The following DCLK1 variants were observed in gnomAD, a reference collection of about 807,000 sequenced individuals.
DCLK1 encodes doublecortin like kinase 1.
Under a neutral mutation model 86.2 loss-of-function variants are expected in DCLK1, and 16 were observed. The ratio of observed to expected loss-of-function variants is 0.19; its 90% confidence interval spans 0.13 to 0.28. DCLK1 has a LOEUF of 0.28. Among genes scored for constraint, DCLK1 ranks in the 10% least tolerant of loss-of-function variants. The pLI, the probability that DCLK1 is intolerant of heterozygous loss-of-function variation, is 1.00. For missense variants in DCLK1, 590 were observed against 940.2 expected, an observed-to-expected ratio of 0.63 and a Z score of 4.87; for synonymous variants, 369 against 370.5, an observed-to-expected ratio of 1.00 and a Z score of 0.05.
In DCLK1 at chr13:35,988,260, A is replaced by G. The variant is rs111349177; in HGVS notation, c.724-40803T>C. ...AATGTGACCTCAGCATGCTGACATC[A>G]GCCCCTGCAGCGGGGACCCCACGCC... On this transcript the variant is annotated intron_variant, in intron 3 of 16. Transcript: ENST00000360631. Among the ~76,000 whole-genome samples, 815 of 152,318 alleles carry G rather than the reference A, an allele frequency of 5.4e-3. 5 individuals are homozygous for G. The highest frequency in any genetic ancestry group is 0.018 in the African/African-American group (756 of 41,570).
rs527405643 is a variant in DCLK1, at chr13:36,011,972, C to A, written c.724-64515G>T. Among the ~76,000 whole-genome samples the A allele has an allele frequency of 5.3e-5, 8 of 149,966 alleles. No homozygotes were observed. The South Asian group carries it at 1.7e-3, about 32-fold the overall frequency. On this transcript the variant is annotated intron_variant, in intron 3 of 16. Coordinates refer to ENST00000360631, the MANE Select transcript of DCLK1 (RefSeq NM_001330071.2). ...CCTCTTGTTGAATTGATCCCTTTACCATTATATAATGGCCTTCTTTGTCTC... is the reference window on the plus strand; with the variant it reads ...CCTCTTGTTGAATTGATCCCTTTACAATTATATAATGGCCTTCTTTGTCTC...
intron 3 of DCLK1, among the ~76,000 whole-genome samples, chr13:36,060,999 T>C (rs1254140658): frequency 1.3e-5 from 2 of 152,224 alleles, no homozygotes; most frequent in South Asian, 4.1e-4. Context: ...CATATGAGGA[T>C]GGAAGCATAT....
intron 4 of DCLK1, among the ~76,000 whole-genome samples, chr13:35,917,077 C>T (rs944124761): frequency 2.6e-5 from 4 of 152,166 alleles, no homozygotes; most frequent in African/African-American, 9.7e-5. Flanking sequence ...CAGTTCATGA[C>T]ACTTAACTCA....
At chr13:35,970,734 A>C (rs1353116950) in intron 3 of DCLK1, among the ~76,000 whole-genome samples, 1 of 152,230 alleles carries the variant, frequency 6.6e-6, no homozygotes, top group Non-Finnish European at 1.5e-5. Context: ...ACTATGATAC[A>C]CAAATTTCTA....
At chr13:35,909,595 A>G (rs1018263369) in intron 4 of DCLK1, among the ~76,000 whole-genome samples, 3 of 102,886 alleles carry the variant, frequency 2.9e-5, no homozygotes, top group African/African-American at 1.2e-4. Flanking sequence ...TGCTGTGTGC[A>G]TATGTGTGTG....
chr13:36,084,524 A>G (rs182322929), intron 3 of DCLK1, among the ~76,000 whole-genome samples: 9 of 151,398 alleles, frequency 5.9e-5, no homozygotes, highest in Admixed American at 4.6e-4. Flanking sequence ...CAGAAGTGAA[A>G]AGAACTGAAT....
chr13:35,784,373 A>C (rs926414300), intron 16 of DCLK1, among the ~76,000 whole-genome samples: 3 of 152,194 alleles, frequency 2.0e-5, no homozygotes, highest in Admixed American at 2.0e-4. Flanking sequence ...GGGGCCTCTG[A>C]AAACAAAATA....
In DCLK1 at chr13:35,896,437, C is replaced by T. The variant is rs1247078977; in HGVS notation, c.824-25097G>A. On this transcript the variant is annotated intron_variant, in intron 4 of 16. Transcript: ENST00000360631. ...CCTGTAATCCCAGCTACTTGGGAGG[C>T]TGAAGCAGGAGAATCGCTTGAACTC... Among the ~76,000 whole-genome samples, 3 of 147,640 alleles carry T rather than the reference C, an allele frequency of 2.0e-5. No homozygotes were observed. The Admixed American group carries it at 2.1e-4, about 10-fold the overall frequency.
intron 16 of DCLK1, among the ~76,000 whole-genome samples, chr13:35,783,150 T>C (rs2086559491): frequency 6.6e-6 from 1 of 152,248 alleles, no homozygotes; most frequent in Admixed American, 6.5e-5. Context: ...TCACAAGAAA[T>C]ATAAACATAT....
chr13:36,036,909 T>C (rs1276225842), intron 3 of DCLK1, among the ~76,000 whole-genome samples: 1 of 152,084 alleles, frequency 6.6e-6, no homozygotes. Context: ...GAAATCAATA[T>C]ATTGAAGAAA....
At chr13:36,092,817 T>C (rs1238206711) in intron 3 of DCLK1, among the ~76,000 whole-genome samples, 1 of 152,242 alleles carries the variant, frequency 6.6e-6, no homozygotes, top group East Asian at 1.9e-4. Context: ...TTTCCTTTTC[T>C]TCACGTCTTC....
chr13:35,941,562 C>T (rs1877085659), intron 4 of DCLK1, among the ~76,000 whole-genome samples: 1 of 152,136 alleles, frequency 6.6e-6, no homozygotes, highest in South Asian at 2.1e-4. Context: ...CACATGCACA[C>T]ACGTGCACAG....
At chr13:36,049,177 C>A (rs1293794989) in intron 3 of DCLK1, among the ~76,000 whole-genome samples, 2 of 152,092 alleles carry the variant, frequency 1.3e-5, no homozygotes, top group Non-Finnish European at 2.9e-5. Context: ...GTTTTCTGGA[C>A]CTCCTGATTA....
intron 15 of DCLK1, among the ~76,000 whole-genome samples, chr13:35,794,758 T>C (rs1002503413): frequency 3.3e-5 from 5 of 152,248 alleles, no homozygotes; most frequent in Admixed American, 6.5e-5. Context: ...CAGTCCATTC[T>C]AATGGCTTTA....
chr13:35,824,488 C>T (rs1675067468), intron 10 of DCLK1, among the ~76,000 whole-genome samples: 1 of 152,126 alleles, frequency 6.6e-6, no homozygotes, highest in Non-Finnish European at 1.5e-5. Flanking sequence ...CTCCTTTCTT[C>T]TTTGTCCTCA....
chr13:36,100,179 C>CAAAAAAA (rs58824322), intron 3 of DCLK1, among the ~76,000 whole-genome samples: 9 of 37,702 alleles, frequency 2.4e-4, no homozygotes, highest in Middle Eastern at 0.036. Context: ...CCTGTCTCTA[C>CAAAAAAA]AAAAAAAAAA....
At chr13:35,990,226 C>A (rs1038093247) in intron 3 of DCLK1, among the ~76,000 whole-genome samples, 1 of 152,086 alleles carries the variant, frequency 6.6e-6, no homozygotes, top group Non-Finnish European at 1.5e-5. Flanking sequence ...ATACTAAATA[C>A]CAAAATACAA....
At position 35,969,904 on chromosome 13, in the gene DCLK1, G is replaced by C. The variant is rs541176965; in HGVS notation, c.724-22447C>G. 1.1e-4 allele frequency among the ~76,000 whole-genome samples: 17 copies of C among 152,272 alleles called. No homozygotes were observed. In the South Asian group the frequency reaches 3.5e-3, roughly 32 times the overall value. On this transcript the variant is annotated intron_variant, in intron 3 of 16. Coordinates refer to ENST00000360631, the MANE Select transcript of DCLK1 (RefSeq NM_001330071.2). The stretch of plus-strand genomic sequence containing the variant: ...GACCTTATAAAAGAGGCCCCAGAAG[G>C]CTGCCTTTCCCCTTCCACAGCAAGA...
chr13:36,024,411 C>G (rs1418715907), intron 3 of DCLK1, among the ~76,000 whole-genome samples: 1 of 151,932 alleles, frequency 6.6e-6, no homozygotes, highest in Non-Finnish European at 1.5e-5. Flanking sequence ...AATCAATATA[C>G]AAAAATCAAC....
Sources: gnomAD v4.1 joint callset for allele counts (sites outside exome capture counted in the v4.1 genomes callset) on GRCh38, gnomAD v4.1.1 for gene constraint, MANE v1.5 for transcripts, NCBI Gene and HGNC (gene_info 2026-07-23, HGNC 2026-07-21) for gene names.